Variants in GSC2 observed in about 807,000 individuals in gnomAD.
GSC2 encodes goosecoid homeobox 2.
Under a neutral mutation model 11.3 loss-of-function variants are expected in GSC2, and 12 were observed. The ratio of observed to expected loss-of-function variants is 1.06; its 90% CI spans 0.68 to 1.72. GSC2 has a LOEUF of 1.72. GSC2 is among the 40% of genes most tolerant of loss of function. GSC2 has a pLI of 0.00. For synonymous variants in GSC2, 148 were observed against 110.0 expected, an observed-to-expected ratio of 1.35 and a Z score of -2.16; for missense variants, 310 against 235.7, an observed-to-expected ratio of 1.32 and a Z score of -2.06.
In GSC2 at chr22:19,150,222, G is replaced by C; in HGVS notation, c.62C>G (p.Ser21Cys). The C allele has an allele frequency of 2.8e-6, 1 of 351,840 alleles. No homozygotes were observed. Among genetic ancestry groups the C allele is most frequent in the Non-Finnish European group, 4.4e-6 (1 of 224,956 alleles). The allele number at this position is 351,840 out of a possible 1,614,324, so 21.8% of individuals were successfully genotyped here. ...CAGGCTGGAGAGGATGTGCTCGATG[G>C]AGAAGGGGCAGGGCCGCCCGGCACC... ...RRGAGRPCPF[S>C]IEHILSSLPE... The change falls in exon 1 of 3, where the codon TCC becomes TGC. Residue 21 changes from serine to cysteine, a missense_variant. Physicochemically the swap from Ser to Cys is moderately radical, Grantham distance 112 (BLOSUM62 -1). Transcript: ENST00000086933.
rs1264218921 is a variant in GSC2 at position 19,148,843 on chromosome 22, CGAGCTGCAG to C, written c.*139_*147del. 7.2e-5 allele frequency: 40 copies of C among 556,814 alleles called. No individual in the cohort carries two copies. The highest frequency in any genetic ancestry group is 3.9e-4 in the East Asian group (12 of 30,604). The allele number at this position is 556,814 out of a possible 1,614,324, so 34.5% of individuals were successfully genotyped here. A position where few individuals can be genotyped will look rare whatever the true frequency, so the allele number is the denominator to read the frequency against. On this transcript the variant is annotated 3_prime_UTR_variant, in exon 3 of 3. Transcript: ENST00000086933. ...GCCCGTCCCCAGCGCCACGGCAGCACGAGCTGCAGGAGGCAAGGGCTGTGGAGACGGGTG... is the reference window on the plus strand; with the variant it reads ...GCCCGTCCCCAGCGCCACGGCAGCACGAGGCAAGGGCTGTGGAGACGGGTG...
Position 19,150,005 on chromosome 22 carries a change from C to T in GSC2, c.259+20G>A. ...CCCCGGGCTCCGCCGGGCCCCGCGC[C>T]CCGCTCCGCGCCCACTCACCCAGCC... On this transcript the variant is annotated intron_variant, in intron 1 of 2. Coordinates refer to ENST00000086933, the MANE Select transcript of GSC2 (RefSeq NM_005315.2). 1.9e-6 allele frequency: 2 copies of T among 1,075,060 alleles called. No individual in the cohort carries two copies. Among genetic ancestry groups the T allele is most frequent in the African/African-American group, 1.7e-5 (1 of 59,026 alleles). The allele number at this position is 1,075,060 out of a possible 1,614,324, so 66.6% of individuals were successfully genotyped here.
At position 19,147,922 on chromosome 22, in the gene GSC2, G is replaced by T. The variant is rs369036108; in HGVS notation, c.*1069C>A. 1.4e-3 allele frequency among the ~76,000 whole-genome samples: 211 copies of T among 152,260 alleles called. No homozygotes were observed. The highest frequency in any genetic ancestry group is 1.5e-3 in the Non-Finnish European group (105 of 68,018). ...TGTGAGATGCTTTGGACCCACTGTA[G>T]GGCCTACTTGGGGAATCTAAGGCTT... On this transcript the variant is annotated 3_prime_UTR_variant, in exon 3 of 3. Transcript: ENST00000086933.
chr22:19,149,292 A>T (rs2083811880), intron 2 of GSC2, among the ~76,000 whole-genome samples, 197 bp from the exon 3 acceptor site: 1 of 152,134 alleles, frequency 6.6e-6, no homozygotes, highest in Admixed American at 6.5e-5. Flanking sequence ...TGGACGCGAG[A>T]TGGGAACCCC....
rs573331974 is a variant in GSC2, at chr22:19,149,506, C to G, written c.513+157G>C. On this transcript the variant is annotated intron_variant, in intron 2 of 2. Coordinates refer to ENST00000086933, the MANE Select transcript of GSC2 (RefSeq NM_005315.2). ...TGCTCTCACCCGCTCCTCATACCCCCGGACGCCCAGCGCCGTCCAGGGACC... is the reference window on the plus strand; with the variant it reads ...TGCTCTCACCCGCTCCTCATACCCCGGGACGCCCAGCGCCGTCCAGGGACC... Among the ~76,000 whole-genome samples, 295 of 152,362 alleles carry G rather than the reference C, an allele frequency of 1.9e-3. 5 individuals are homozygous for G. In the East Asian group the frequency reaches 0.039, roughly 20 times the overall value.
rs1555918122 is a variant in GSC2, at chr22:19,149,882, C to T, written c.294G>A (p.Pro98=). ...GCGCACCCAGAGACAAGGGCACCGC[C>T]GGTCCCAGCCTCAGCGGCCACGCCA... ...ARLAWPLRLG[P]AVPLSLGAPA... is the part of the protein sequence containing the mutation. The change falls in exon 2 of 3, where the codon CCG becomes CCA. Residue 98 remains proline (P), a synonymous_variant. Coordinates refer to ENST00000086933, the MANE Select transcript of GSC2 (RefSeq NM_005315.2). 2.8e-6 allele frequency: 4 copies of T among 1,412,980 alleles called. No individual in the cohort carries two copies. Among genetic ancestry groups the T allele is most frequent in the East Asian group, 3.0e-5 (1 of 33,312 alleles). 87.5% of individuals were successfully genotyped at this position (1,412,980 alleles called of 1,614,324 possible). A position where few individuals can be genotyped will look rare whatever the true frequency, so the allele number is the denominator to read the frequency against.
At position 19,147,056 on chromosome 22, in the gene GSC2, G is replaced by A. The variant is rs1441119031; in HGVS notation, c.*1935C>T. Among the ~76,000 whole-genome samples, 1 of 152,120 alleles carries A rather than the reference G, an allele frequency of 6.6e-6. No individual in the cohort carries two copies. ...GTAAAACTGACTTCCTGTCAGCCTG[G>A]GTATAGTGGATGATCAGGAGAGGGA... is the stretch of plus-strand genomic sequence containing the variant. On this transcript the variant is annotated 3_prime_UTR_variant, in exon 3 of 3. Transcript: ENST00000086933.
Position 19,147,011 on chromosome 22 carries a change from T to C in GSC2, c.*1980A>G, listed in dbSNP as rs1374956425. ...TTAGAGCTGGAGAGATTCTGGGATT[T>C]ATTGATTTATTGATAAACAGTAAAA... On this transcript the variant is annotated 3_prime_UTR_variant, in exon 3 of 3. Coordinates refer to ENST00000086933, the MANE Select transcript of GSC2 (RefSeq NM_005315.2). Among the ~76,000 whole-genome samples the C allele has an allele frequency of 6.6e-6, 1 of 152,154 alleles. No individual in the cohort carries two copies. Among genetic ancestry groups the C allele is most frequent in the African/African-American group, 2.4e-5 (1 of 41,432 alleles).
Position 19,148,345 on chromosome 22 carries a change from A to G in GSC2, c.*646T>C, listed in dbSNP as rs535701396. Among the ~76,000 whole-genome samples, 50 of 152,294 alleles carry G rather than the reference A, an allele frequency of 3.3e-4. 1 individual carries two copies. The highest frequency in any genetic ancestry group is 1.2e-3 in the African/African-American group (49 of 41,566). On this transcript the variant is annotated 3_prime_UTR_variant, in exon 3 of 3. Coordinates refer to ENST00000086933, the MANE Select transcript of GSC2 (RefSeq NM_005315.2). ...AGCTCCTTGTTGGGTGTGGGAGTGG[A>G]GCCAAGGTGGACTTGAGACTCTGGG...
chr22:19,150,153 G>A lies in GSC2; in HGVS notation c.131C>T (p.Pro44Leu), dbSNP rs1432612013. The A allele has an allele frequency of 4.9e-6, 4 of 821,258 alleles. No individual in the cohort carries two copies. Among genetic ancestry groups the A allele is most frequent in the East Asian group, 1.7e-4 (2 of 11,826 alleles). 50.9% of individuals were successfully genotyped at this position (821,258 alleles called of 1,614,324 possible). A position where few individuals can be genotyped will look rare whatever the true frequency, so the allele number is the denominator to read the frequency against. ...CTTCGCGGGGCTCTGGCGACCGGCG[G>A]GCTGCGGTGGGCAGGCGGCCCGGGC... The part of the protein sequence containing the change: ...LPARAACPPQ[P>L]AGRQSPAKPE... Residue 44 changes from proline (P) to leucine (L), a missense_variant, in exon 1 of 3, where the codon CCC (proline) becomes CTC (leucine). By Grantham distance (98) the Pro-to-Leu change is moderately conservative. Transcript: ENST00000086933.
chr22:19,150,146 A>G lies in GSC2; in HGVS notation c.138T>C (p.Gly46=). 3 of 888,608 alleles carry G rather than the reference A, an allele frequency of 3.4e-6. No homozygotes were observed. Among genetic ancestry groups the G allele is most frequent in the Non-Finnish European group, 4.1e-6 (3 of 732,190 alleles). The allele number at this position is 888,608 out of a possible 1,614,324, so 55.0% of individuals were successfully genotyped here. A position where few individuals can be genotyped will look rare whatever the true frequency, so the allele number is the denominator to read the frequency against. Reference sequence around the variant, plus strand: ...CCTCTGGCTTCGCGGGGCTCTGGCGACCGGCGGGCTGCGGTGGGCAGGCGG... The same window carrying G: ...CCTCTGGCTTCGCGGGGCTCTGGCGGCCGGCGGGCTGCGGTGGGCAGGCGG... ...ARAACPPQPA[G]RQSPAKPEEP... Residue 46 remains glycine, a synonymous_variant, in exon 1 of 3, where the codon GGT becomes GGC. Coordinates refer to ENST00000086933, the MANE Select transcript of GSC2 (RefSeq NM_005315.2).
chr22:19,149,983 CGG>C, intron 1 of GSC2, 40 bp downstream of exon 1: 1 of 1,129,130 alleles, frequency 8.9e-7, no homozygotes, highest in East Asian at 4.6e-5. Context: ...CGCCGCGCCC[CGG>C]GCTCCGCCGG....
rs2083800338 is a variant in GSC2, at chr22:19,147,718, C to G, written c.*1273G>C. 6.6e-6 allele frequency among the ~76,000 whole-genome samples: 1 copy of G among 152,072 alleles called. No homozygotes were observed. Among genetic ancestry groups the G allele is most frequent in the African/African-American group, 2.4e-5 (1 of 41,422 alleles). ...TCAGGGCAGTTCTGACTGGGGACAC[C>G]ATGCTTGCTTGGTGTTATCCAAGCT... is the stretch of plus-strand genomic sequence containing the variant. On this transcript the variant is annotated 3_prime_UTR_variant, in exon 3 of 3. Coordinates refer to ENST00000086933, the MANE Select transcript of GSC2 (RefSeq NM_005315.2).
At chr22:19,149,600 G>C in intron 2 of GSC2, 63 bp downstream of exon 2, 1 of 1,411,712 alleles carries the variant, frequency 7.1e-7, no homozygotes, top group East Asian at 2.9e-5. Flanking sequence ...CCGCCCGCCA[G>C]GACCCCAGTC....
At position 19,148,715 on chromosome 22, in the gene GSC2, T is replaced by C. The variant is rs2083806748; in HGVS notation, c.*276A>G. 4.7e-6 allele frequency: 2 copies of C among 429,960 alleles called. No homozygotes were observed. Among genetic ancestry groups the C allele is most frequent in the East Asian group, 3.9e-5 (1 of 25,572 alleles). The allele number at this position is 429,960 out of a possible 1,614,324, so 26.6% of individuals were successfully genotyped here. A position where few individuals can be genotyped will look rare whatever the true frequency, so the allele number is the denominator to read the frequency against. On this transcript the variant is annotated 3_prime_UTR_variant, in exon 3 of 3. Coordinates refer to ENST00000086933, the MANE Select transcript of GSC2 (RefSeq NM_005315.2). ...GGTGGTTCCCCTCCTGCGGTGGAGTTAGTGTCTCTCGGGGGGTAGGGAGCT... is the reference window on the plus strand; with the variant it reads ...GGTGGTTCCCCTCCTGCGGTGGAGTCAGTGTCTCTCGGGGGGTAGGGAGCT...
intron 2 of GSC2, 150 bp downstream of exon 2, chr22:19,149,513 C>G: frequency 3.6e-6 from 3 of 829,430 alleles, no homozygotes; most frequent in Non-Finnish European, 5.2e-6. Context: ...CCCCGGACGC[C>G]CAGCGCCGTC....
At position 19,150,031 on chromosome 22, in the gene GSC2, C is replaced by G. The variant is rs1299124524; in HGVS notation, c.253G>C (p.Gly85Arg). The change falls in exon 1 of 3, where the codon GGG becomes CGG. Residue 85 changes from glycine (G) to arginine (R), a missense_variant. Coordinates refer to ENST00000086933, the MANE Select transcript of GSC2 (RefSeq NM_005315.2). Reference protein sequence around the residue: ...APCGPPEAAAGLGARLAWPLR... With the variant: ...APCGPPEAAARLGARLAWPLR... ...CCGCTCCGCGCCCACTCACCCAGCC[C>G]GGCGGCCGCCTCTGGGGGCCCGCAG... is the stretch of plus-strand genomic sequence containing the variant. 1 of 1,021,572 alleles carries G rather than the reference C, an allele frequency of 9.8e-7. No individual in the cohort carries two copies. The highest frequency in any genetic ancestry group is 1.2e-6 in the Non-Finnish European group (1 of 855,668). 63.3% of individuals were successfully genotyped at this position (1,021,572 alleles called of 1,614,324 possible). A position where few individuals can be genotyped will look rare whatever the true frequency, so the allele number is the denominator to read the frequency against.
chr22:19,149,996 G>T, intron 1 of GSC2, 29 bp downstream of exon 1: 1 of 1,091,214 alleles, frequency 9.2e-7, no homozygotes, highest in Non-Finnish European at 1.1e-6. Flanking sequence ...GCTCCGCCGG[G>T]CCCCGCGCCC....
intron 2 of GSC2, 40 bp downstream of exon 2, chr22:19,149,623 G>C (rs782733969): frequency 7.4e-6 from 11 of 1,488,296 alleles, no homozygotes; most frequent in Middle Eastern, 1.8e-4. Context: ...GTGTAGCCGC[G>C]GCCCGCGCGC....
Sources: gnomAD v4.1 joint callset for allele counts (sites outside exome capture counted in the v4.1 genomes callset) on GRCh38, gnomAD v4.1.1 for gene constraint, MANE v1.5 for transcripts, NCBI Gene and HGNC (gene_info 2026-07-23, HGNC 2026-07-21) for gene names.